Variants in PIMREG observed in about 807,000 individuals in gnomAD.
The protein encoded by PIMREG is protein PIMREG.
A neutral mutation model predicts 24.3 loss-of-function variants in PIMREG; 19 were observed. That is an observed-to-expected ratio of 0.78 (90% CI 0.54 to 1.15). The LOEUF (loss-of-function observed/expected upper bound fraction) is 1.15. PIMREG is among the 50% of genes most tolerant of loss of function. PIMREG has a pLI of 0.00. For synonymous variants in PIMREG, 112 were observed against 124.1 expected (o/e 0.90, Z 0.65); for missense variants, 283 against 306.8 (o/e 0.92, Z 0.58).
intron 2 of PIMREG, 54 bp downstream of exon 2, chr17:6,445,458 G>C: frequency 6.5e-7 from 1 of 1,531,818 alleles, no homozygotes; most frequent in Non-Finnish European, 8.8e-7. Context: ...TTGGTGCCAG[G>C]CAGTTCCTGC....
Position 6,449,318 on chromosome 17 carries a change from T to C in PIMREG, c.597T>C (p.Ser199=), listed in dbSNP as rs2150706183. ...STEPLCSPSE[S]DSDLEPVGAG... is the part of the protein sequence containing the mutation. ...GGCTTTTTCTTTCATGCAGCGAGTC[T>C]GACAGTGACCTAGAGCCTGTGGGGG... Residue 199 remains serine, a synonymous_variant, in exon 4 of 6, where the codon TCT becomes TCC. Transcript: ENST00000572447. 1 of 1,610,046 alleles carries C rather than the reference T, an allele frequency of 6.2e-7. No homozygotes were observed. The highest frequency in any genetic ancestry group is 8.5e-7 in the Non-Finnish European group (1 of 1,178,664).
At chr17:6,447,114 T>G (rs1913604845) in intron 2 of PIMREG, among the ~76,000 whole-genome samples, 3 of 149,344 alleles carry the variant, frequency 2.0e-5, no homozygotes, top group Non-Finnish European at 4.4e-5. Context: ...TTTTTTGTTG[T>G]TGTTTGTTTG....
chr17:6,450,096 T>C (rs1252256575), intron 5 of PIMREG, 24 bp downstream of exon 5: 2 of 1,610,886 alleles, frequency 1.2e-6, no homozygotes, highest in Admixed American at 3.3e-5. Flanking sequence ...CCCAAGAGTC[T>C]TTCTCACTGT....
In PIMREG at chr17:6,450,415, C is replaced by T; in HGVS notation, c.*68C>T. 1 of 1,570,402 alleles carries T rather than the reference C, an allele frequency of 6.4e-7. No individual in the cohort carries two copies. Among genetic ancestry groups the T allele is most frequent in the Non-Finnish European group, 8.6e-7 (1 of 1,165,842 alleles). On this transcript the variant is annotated 3_prime_UTR_variant, in exon 6 of 6. Transcript: ENST00000572447. ...TTCATACTCAAGGATGTCTATGCTTCCCCGTGAGCTTCCTGGAAAAAACCC... is the reference window on the plus strand; with the variant it reads ...TTCATACTCAAGGATGTCTATGCTTTCCCGTGAGCTTCCTGGAAAAAACCC...
Position 6,445,131 on chromosome 17 carries a change from C to G in PIMREG, c.21C>G (p.Asn7Lys). MASRWQNMGTSVRRRSL... is the reference protein window; with the variant it reads MASRWQKMGTSVRRRSL... ...GGCAGATGGCTTCTCGGTGGCAGAACATGGGGACCTCCGTGCGCCGGAGAT... is the reference window on the plus strand; with the variant it reads ...GGCAGATGGCTTCTCGGTGGCAGAAGATGGGGACCTCCGTGCGCCGGAGAT... The change falls in exon 2 of 6, where the codon AAC becomes AAG. Residue 7 changes from asparagine (N) to lysine (K), a missense_variant. Transcript: ENST00000572447. The G allele has an allele frequency of 6.3e-7, 1 of 1,593,108 alleles. No homozygotes were observed. Among genetic ancestry groups the G allele is most frequent in the Non-Finnish European group, 8.6e-7 (1 of 1,169,220 alleles).
At chr17:6,448,180 G>A (rs564454901) in intron 3 of PIMREG, among the ~76,000 whole-genome samples, 3 of 149,978 alleles carry the variant, frequency 2.0e-5, no homozygotes, top group African/African-American at 7.3e-5. Flanking sequence ...CTCCTTGGGA[G>A]GTTGAGGCAG....
intron 5 of PIMREG, 31 bp downstream of exon 5, chr17:6,450,103 C>G (rs374377406): frequency 1.9e-4 from 307 of 1,606,932 alleles, no homozygotes; most frequent in Non-Finnish European, 2.6e-4. Flanking sequence ...GTCTTTCTCA[C>G]TGTCCTTCTC....
At chr17:6,448,126 A>T (rs993893673) in intron 3 of PIMREG, among the ~76,000 whole-genome samples, 1 of 151,776 alleles carries the variant, frequency 6.6e-6, no homozygotes, top group Non-Finnish European at 1.5e-5. Flanking sequence ...TCTACTAAAA[A>T]TACAAAATTG....
Position 6,449,875 on chromosome 17 carries a change from T to C in PIMREG, c.687-153T>C, listed in dbSNP as rs878920153. On this transcript the variant is annotated intron_variant, in intron 4 of 5. Coordinates refer to ENST00000572447, the MANE Select transcript of PIMREG (RefSeq NM_019013.3). ...CCCCATTCCACTTGTATAATGGCCA[T>C]GATGGGCTCTAAGGCTGGGCCCTGC... The C allele has an allele frequency of 2.9e-6, 4 of 1,376,046 alleles. No homozygotes were observed. In the South Asian group the frequency reaches 5.4e-5, roughly 19 times the overall value. The allele number at this position is 1,376,046 out of a possible 1,614,324, so 85.2% of individuals were successfully genotyped here. A position where few individuals can be genotyped will look rare whatever the true frequency, so the allele number is the denominator to read the frequency against.
In PIMREG at chr17:6,449,301, C is replaced by G. The variant is rs1913710843; in HGVS notation, c.591-11C>G. The G allele has an allele frequency of 6.2e-7, 1 of 1,603,456 alleles. No individual in the cohort carries two copies. The highest frequency in any genetic ancestry group is 8.5e-7 in the Non-Finnish European group (1 of 1,176,286). ...CAACTAGTCACTGGTGTGGCTTTTT[C>G]TTTCATGCAGCGAGTCTGACAGTGA... On this transcript the variant is annotated splice_polypyrimidine_tract_variant and intron_variant, in intron 3 of 5. Transcript: ENST00000572447.
Position 6,451,444 on chromosome 17 carries a change from T to C in PIMREG, c.*1097T>C, listed in dbSNP as rs1201856907. ...TTTTGTACAAGGCAGCCATAAGGAA[T>C]ATAATAAACCTTTTTCACCACAGAA... On this transcript the variant is annotated 3_prime_UTR_variant, in exon 6 of 6. Coordinates refer to ENST00000572447, the MANE Select transcript of PIMREG (RefSeq NM_019013.3). 1 of 152,190 alleles carries C rather than the reference T, an allele frequency of 6.6e-6. No homozygotes were observed. Among genetic ancestry groups the C allele is most frequent in the Non-Finnish European group, 1.5e-5 (1 of 68,038 alleles). 9.4% of individuals were successfully genotyped at this position (152,190 alleles called of 1,614,324 possible). A position where few individuals can be genotyped will look rare whatever the true frequency, so the allele number is the denominator to read the frequency against.
In PIMREG at chr17:6,449,393, T is replaced by C. The variant is rs200958199; in HGVS notation, c.672T>C (p.Ile224=). 1 of 1,613,212 alleles carries C rather than the reference T, an allele frequency of 6.2e-7. No individual in the cohort carries two copies. Among genetic ancestry groups the C allele is most frequent in the Non-Finnish European group, 8.5e-7 (1 of 1,179,632 alleles). Residue 224 remains isoleucine, a synonymous_variant, in exon 4 of 6, where the codon ATT becomes ATC. Coordinates refer to ENST00000572447, the MANE Select transcript of PIMREG (RefSeq NM_019013.3). The stretch of plus-strand genomic sequence containing the variant: ...TGTCCCAAGAGCTAGATGAAGCCAT[T>C]ATGGCGGAAGAGAGGTGAGTTGGCA... The part of the protein sequence containing the change: ...QKLSQELDEA[I]MAEESGDIVS...
chr17:6,444,986 C>G lies in PIMREG; in HGVS notation c.-35-90C>G. ...CCGCCCCCGCCACCCCGCTGCATCC[C>G]GTCTCTTCCCCTGTGTCCAGGGTCT... On this transcript the variant is annotated intron_variant, in intron 1 of 5. Transcript: ENST00000572447. The surrounding 1 kb of genome is among the most constrained non-coding windows in gnomAD (Gnocchi z 4.3). The G allele has an allele frequency of 9.2e-7, 1 of 1,082,806 alleles. No individual in the cohort carries two copies. The highest frequency in any genetic ancestry group is 1.3e-6 in the Non-Finnish European group (1 of 795,622). 67.1% of individuals were successfully genotyped at this position (1,082,806 alleles called of 1,614,324 possible).
Position 6,447,624 on chromosome 17 carries a change from C to T in PIMREG, c.456C>T (p.Ala152=), listed in dbSNP as rs146275328. 7.9e-4 allele frequency: 1,274 copies of T among 1,613,976 alleles called. 11 individuals carry two copies. In the African/African-American group the frequency reaches 0.015, roughly 19 times the overall value. ...CTGGAGCCGCCCCTGCCCACTCAGC[C>T]GCAGACCCCTGGGAGAAGGAGCATC... ...RLSGAAPAHS[A]ADPWEKEHHR... The change falls in exon 3 of 6, where the codon GCC becomes GCT. Residue 152 remains alanine, a synonymous_variant. Coordinates refer to ENST00000572447, the MANE Select transcript of PIMREG (RefSeq NM_019013.3).
chr17:6,445,071 C>T lies in PIMREG; in HGVS notation c.-35-5C>T. ...TGCTGATCTGCCTTTCGCCCTCCTC[C>T]CCAGGGTCTAGTGGACAGAGAAGAC... On this transcript the variant is annotated splice_polypyrimidine_tract_variant and splice_region_variant and intron_variant, in intron 1 of 5. Transcript: ENST00000572447. 3 of 1,527,356 alleles carry T rather than the reference C, an allele frequency of 2.0e-6. No individual in the cohort carries two copies. Among genetic ancestry groups the T allele is most frequent in the South Asian group, 1.3e-5 (1 of 77,376 alleles). The allele number at this position is 1,527,356 out of a possible 1,614,324, so 94.6% of individuals were successfully genotyped here. A position where few individuals can be genotyped will look rare whatever the true frequency, so the allele number is the denominator to read the frequency against.
chr17:6,450,141 G>A (rs920230362), intron 5 of PIMREG, 69 bp downstream of exon 5: 11 of 1,536,078 alleles, frequency 7.2e-6, no homozygotes, highest in Non-Finnish European at 9.9e-6. Flanking sequence ...GCAAGTTAAA[G>A]AAAAAGCCCA....
intron 2 of PIMREG, among the ~76,000 whole-genome samples, chr17:6,445,751 C>A (rs971119719): frequency 3.9e-5 from 6 of 152,118 alleles, no homozygotes; most frequent in Non-Finnish European, 7.4e-5. Context: ...CAGAGTTCAC[C>A]CAGGGAAGCA....
In PIMREG at chr17:6,449,395, T is replaced by A. The variant is rs761461615; in HGVS notation, c.674T>A (p.Met225Lys). Reference protein sequence around the residue: ...KLSQELDEAIMAEESGDIVSL... With the variant: ...KLSQELDEAIKAEESGDIVSL... ...TCCCAAGAGCTAGATGAAGCCATTA[T>A]GGCGGAAGAGAGGTGAGTTGGCATC... Residue 225 changes from methionine (M) to lysine (K), a missense_variant, in exon 4 of 6, where the codon ATG becomes AAG. Coordinates refer to ENST00000572447, the MANE Select transcript of PIMREG (RefSeq NM_019013.3). 3.7e-6 allele frequency: 6 copies of A among 1,613,268 alleles called. No individual in the cohort carries two copies. Among genetic ancestry groups the A allele is most frequent in the African/African-American group, 1.3e-5 (1 of 74,896 alleles).
In PIMREG at chr17:6,447,515, T is replaced by C. The variant is rs1034992973; in HGVS notation, c.347T>C (p.Val116Ala). 8.7e-6 allele frequency: 14 copies of C among 1,613,890 alleles called. No individual in the cohort carries two copies. The highest frequency in any genetic ancestry group is 1.2e-5 in the Non-Finnish European group (14 of 1,179,890). ...SGTKWLVETQ[V>A]KARRRKRGAQ... ...ACCAAGTGGCTGGTGGAGACCCAGGTGAAGGCCAGGAGGCGGAAGAGAGGA... is the reference window on the plus strand; with the variant it reads ...ACCAAGTGGCTGGTGGAGACCCAGGCGAAGGCCAGGAGGCGGAAGAGAGGA... The change falls in exon 3 of 6, where the codon GTG (valine) becomes GCG (alanine). Residue 116 changes from valine to alanine, a missense_variant. Val to Ala is a moderately conservative substitution (Grantham distance 64). Transcript: ENST00000572447.
Sources: allele counts gnomAD v4.1 joint callset (sites outside exome capture counted in the v4.1 genomes callset), GRCh38; gene constraint gnomAD v4.1.1; non-coding constraint Gnocchi (gnomAD v3.1); transcripts MANE v1.5; gene names NCBI Gene and HGNC (gene_info 2026-07-23, HGNC 2026-07-21).